Variants in PGM5 observed in about 807,000 individuals in gnomAD.
PGM5 encodes phosphoglucomutase 5.
Under a neutral mutation model 59.2 loss-of-function variants are expected in PGM5, and 23 were observed. The observed-to-expected ratio is 0.39, with a 90% CI of 0.28 to 0.55. The LOEUF (loss-of-function observed/expected upper bound fraction) is 0.55. Ranked by LOEUF, PGM5 falls within the 20% of genes least tolerant of loss-of-function variation. The pLI, the probability that PGM5 is intolerant of heterozygous loss-of-function variation, is 0.66. For missense variants in PGM5, 574 were observed against 748.3 expected, an observed-to-expected ratio of 0.77 and a Z score of 2.72; for synonymous variants, 214 against 286.0, an observed-to-expected ratio of 0.75 and a Z score of 2.54.
intron 6 of PGM5, among the ~76,000 whole-genome samples, chr9:68,413,651 T>C (rs1186139495): frequency 6.6e-6 from 1 of 152,212 alleles, no homozygotes; most frequent in Non-Finnish European, 1.5e-5. Flanking sequence ...AGTGCATCTG[T>C]GATACTAATC....
chr9:68,493,160 C>T (rs1554687985), intron 9 of PGM5, among the ~76,000 whole-genome samples: 1 of 152,188 alleles, frequency 6.6e-6, no homozygotes, highest in African/African-American at 2.4e-5. Flanking sequence ...ACAGTTCACC[C>T]TTCCCTGCCT....
chr9:68,500,720 A>G (rs1824559482), intron 10 of PGM5, among the ~76,000 whole-genome samples: 1 of 152,224 alleles, frequency 6.6e-6, no homozygotes, highest in Non-Finnish European at 1.5e-5. Context: ...GGGGCCTAAA[A>G]GTCCAGAGCT....
intron 1 of PGM5, among the ~76,000 whole-genome samples, chr9:68,364,552 C>T (rs1834643616): frequency 6.6e-6 from 1 of 152,146 alleles, no homozygotes; most frequent in African/African-American, 2.4e-5. Flanking sequence ...CTGCTATGAT[C>T]CAGACATTAG....
chr9:68,524,389 A>G (rs989313055), intron 10 of PGM5, among the ~76,000 whole-genome samples: 4 of 152,212 alleles, frequency 2.6e-5, no homozygotes, highest in African/African-American at 9.6e-5. Flanking sequence ...CCATCTTGAA[A>G]GGATGCAAGG....
chr9:68,409,872 TAAAAA>T (rs200990186), intron 6 of PGM5, among the ~76,000 whole-genome samples: 2 of 137,490 alleles, frequency 1.5e-5, no homozygotes, highest in Non-Finnish European at 3.1e-5. Flanking sequence ...ACTTAAAGTA[TAAAAA>T]AAAAAAAAAA....
intron 4 of PGM5, among the ~76,000 whole-genome samples, chr9:68,390,392 G>T (rs1440099856): frequency 6.6e-6 from 1 of 152,168 alleles, no homozygotes; most frequent in African/African-American, 2.4e-5. Context: ...GCTAGAAGAT[G>T]GAGGACGCTG....
At chr9:68,476,118 T>C (rs2132087088) in intron 7 of PGM5, among the ~76,000 whole-genome samples, 1 of 152,300 alleles carries the variant, frequency 6.6e-6, no homozygotes. Flanking sequence ...AATAGCTGGG[T>C]CGAAAGCTGC....
Position 68,493,256 on chromosome 9 carries a change from T to C in PGM5, c.1480-5971T>C, listed in dbSNP as rs553094237. Among the ~76,000 whole-genome samples the C allele has an allele frequency of 5.3e-5, 8 of 152,328 alleles. No homozygotes were observed. The South Asian group carries it at 1.0e-3, about 20-fold the overall frequency. On this transcript the variant is annotated intron_variant, in intron 9 of 10. Transcript: ENST00000396396. ...ACTTACAGATTTCCCTGTATTGATT[T>C]ACACAAGGGTTTATTTTTAAAATTA...
intron 7 of PGM5, among the ~76,000 whole-genome samples, chr9:68,472,911 G>A (rs1824044699): frequency 1.3e-5 from 2 of 152,202 alleles, no homozygotes; most frequent in Non-Finnish European, 2.9e-5. Flanking sequence ...TTCTGCGCTT[G>A]CACCTGGCTC....
chr9:68,512,998 C>T (rs1824775267), intron 10 of PGM5, among the ~76,000 whole-genome samples: 1 of 152,198 alleles, frequency 6.6e-6, no homozygotes, highest in Non-Finnish European at 1.5e-5. Context: ...TGCACCAAAA[C>T]CAGGTGGTGG....
At chr9:68,498,506 G>A (rs1554688363) in intron 9 of PGM5, 2 of 152,172 alleles carry the variant, frequency 1.3e-5, no homozygotes, top group Non-Finnish European at 2.9e-5. Context: ...CATGAAAATT[G>A]TGTACTTCTC....
intron 10 of PGM5, among the ~76,000 whole-genome samples, chr9:68,522,989 GTTAA>G (rs1824921243): frequency 6.6e-6 from 1 of 152,094 alleles, no homozygotes; most frequent in Non-Finnish European, 1.5e-5. Context: ...TGCCCTCATG[GTTAA>G]TTAATTATAA....
At chr9:68,395,945 G>C (rs1300593754) in intron 6 of PGM5, 1 of 151,020 alleles carries the variant, frequency 6.6e-6, no homozygotes, top group African/African-American at 2.4e-5. Flanking sequence ...ATTTACCTTT[G>C]CCTACACCCT....
intron 6 of PGM5, among the ~76,000 whole-genome samples, chr9:68,402,083 C>G (rs147976806): frequency 6.6e-6 from 1 of 151,970 alleles, no homozygotes; most frequent in Non-Finnish European, 1.5e-5. Flanking sequence ...GCTAACATGG[C>G]GAAGCCCCTG....
intron 6 of PGM5, among the ~76,000 whole-genome samples, chr9:68,407,869 G>T (rs1436200220): frequency 6.6e-6 from 1 of 152,230 alleles, no homozygotes; most frequent in African/African-American, 2.4e-5. Flanking sequence ...TGGCATGAGA[G>T]GACAGAGGAG....
intron 1 of PGM5, among the ~76,000 whole-genome samples, chr9:68,372,613 C>A (rs1259639718): frequency 1.3e-5 from 2 of 152,150 alleles, no homozygotes; most frequent in Non-Finnish European, 2.9e-5. Context: ...CCCCTGCCAT[C>A]ACGGCCATGG....
chr9:68,436,062 A>G (rs1266901317), intron 6 of PGM5, among the ~76,000 whole-genome samples: 1 of 152,190 alleles, frequency 6.6e-6, no homozygotes, highest in Admixed American at 6.5e-5. Context: ...CCCAGCACCA[A>G]CATCCTCACA....
At chr9:68,491,246 G>A (rs1479230806) in intron 9 of PGM5, among the ~76,000 whole-genome samples, 2 of 152,218 alleles carry the variant, frequency 1.3e-5, no homozygotes, top group African/African-American at 2.4e-5. Flanking sequence ...TACAGAGGAA[G>A]AACTTATTTG....
chr9:68,357,541 A>G (rs1452975494), intron 1 of PGM5, among the ~76,000 whole-genome samples, 153 bp downstream of exon 1: 2 of 150,648 alleles, frequency 1.3e-5, no homozygotes, highest in Non-Finnish European at 3.0e-5. Context: ...CCAGCGCCCC[A>G]CTCCCGCCGC....
Sources: allele counts gnomAD v4.1 joint callset (sites outside exome capture counted in the v4.1 genomes callset), GRCh38; gene constraint gnomAD v4.1.1; transcripts MANE v1.5; gene names NCBI Gene and HGNC (gene_info 2026-07-23, HGNC 2026-07-21).